The following ECPAS variants were observed in gnomAD, a reference collection of about 807,000 sequenced individuals.
ECPAS encodes proteasome adapter and scaffold protein ECM29.
ECPAS carries 70 observed loss-of-function variants against 255.1 expected under a neutral mutation model. The ratio of observed to expected loss-of-function variants is 0.27; its 90% CI spans 0.23 to 0.33. The LOEUF (loss-of-function observed/expected upper bound fraction) is 0.33. Among genes scored for constraint, ECPAS ranks in the 10% least tolerant of loss-of-function variants. ECPAS has a pLI of 1.00. For synonymous variants in ECPAS, 784 were observed against 775.0 expected (o/e 1.01, Z -0.19); for missense variants, 1,817 against 2,206.4 (o/e 0.82, Z 3.54).
chr9:111,410,156 C>G lies in ECPAS; in HGVS notation c.2435G>C (p.Gly812Ala). 1.2e-6 allele frequency: 2 copies of G among 1,613,064 alleles called. No individual in the cohort carries two copies. The highest frequency in any genetic ancestry group is 1.7e-6 in the Non-Finnish European group (2 of 1,179,568). ...AAGTGGACCATTTCTGCCAATTTCACCCAGGGCTGTGCAGGCAGCAATTGC... is the reference window on the plus strand; with the variant it reads ...AAGTGGACCATTTCTGCCAATTTCAGCCAGGGCTGTGCAGGCAGCAATTGC... ...LLAIAACTAL[G>A]EIGRNGPLPI... Residue 812 changes from glycine (G) to alanine (A), a missense_variant, in exon 23 of 50, where the codon GGT (glycine) becomes GCT (alanine). Gly to Ala is a moderately conservative substitution (Grantham distance 60). This residue lies in a region of ECPAS where 194 missense variants were observed against 152.8 expected (regional missense o/e 1.27). Coordinates refer to ENST00000684092, the MANE Select transcript of ECPAS (RefSeq NM_001364929.1).
In ECPAS at chr9:111,480,576, G is replaced by C. The variant is rs1040446352; in HGVS notation, c.-83+3540C>G. On this transcript the variant is annotated intron_variant, in intron 1 of 49. Coordinates refer to ENST00000684092, the MANE Select transcript of ECPAS (RefSeq NM_001364929.1). ...GCCTCCTAAAGTGCTAGGATTACAG[G>C]TGTGAGCCACCACACCTGGCCAAAA... is the stretch of plus-strand genomic sequence containing the variant. 2.6e-5 allele frequency among the ~76,000 whole-genome samples: 4 copies of C among 152,178 alleles called. No homozygotes were observed. In the South Asian group the frequency reaches 8.3e-4, roughly 32 times the overall value.
chr9:111,407,046 T>TA (rs1451995902), intron 24 of ECPAS, among the ~76,000 whole-genome samples: 1 of 148,192 alleles, frequency 6.7e-6, no homozygotes, highest in African/African-American at 2.6e-5. Context: ...CATGTATTTC[T>TA]AAACTCTTAA....
chr9:111,449,175 T>C (rs2098257065), intron 3 of ECPAS, among the ~76,000 whole-genome samples: 2 of 152,136 alleles, frequency 1.3e-5, no homozygotes. Context: ...GCCAGGTTAT[T>C]ATATAAATTA....
rs750380389 is a variant in ECPAS at position 111,444,365 on chromosome 9, A to G, written c.270+13T>C. 18 of 1,561,970 alleles carry G rather than the reference A, an allele frequency of 1.2e-5. No homozygotes were observed. Among genetic ancestry groups the G allele is most frequent in the South Asian group, 3.4e-5 (3 of 88,216 alleles). Reference sequence around the variant, plus strand: ...TTGCTGTAAGTCAGAAAATATTCCAATACAACACTCACTGTGACAAAGGAA... The same window carrying G: ...TTGCTGTAAGTCAGAAAATATTCCAGTACAACACTCACTGTGACAAAGGAA... On this transcript the variant is annotated intron_variant, in intron 4 of 49. Coordinates refer to ENST00000684092, the MANE Select transcript of ECPAS (RefSeq NM_001364929.1).
intron 1 of ECPAS, among the ~76,000 whole-genome samples, chr9:111,479,376 T>A (rs1437376452): frequency 6.7e-6 from 1 of 149,860 alleles, no homozygotes; most frequent in Non-Finnish European, 1.5e-5. Context: ...GAGGGGCGGA[T>A]CATGAGGTCA....
At chr9:111,388,563 G>A (rs192718663) in intron 31 of ECPAS, among the ~76,000 whole-genome samples, 1 of 151,966 alleles carries the variant, frequency 6.6e-6, no homozygotes, top group East Asian at 1.9e-4. Context: ...AAAGTGAGCT[G>A]TAAAGCTACT....
Position 111,484,193 on chromosome 9 carries a change from G to C in ECPAS, c.-160C>G. The C allele has an allele frequency of 6.7e-7, 1 of 1,483,006 alleles. No homozygotes were observed. Among genetic ancestry groups the C allele is most frequent in the Non-Finnish European group, 8.9e-7 (1 of 1,118,932 alleles). The allele number at this position is 1,483,006 out of a possible 1,614,324, so 91.9% of individuals were successfully genotyped here. On this transcript the variant is annotated 5_prime_UTR_variant, in exon 1 of 50. Transcript: ENST00000684092. Reference sequence around the variant, plus strand: ...TGAGGGCTGTAGAGCGAGGCGTTCGGCGGGCCGGGCCCCGGGGAGCCGCGC... The same window carrying C: ...TGAGGGCTGTAGAGCGAGGCGTTCGCCGGGCCGGGCCCCGGGGAGCCGCGC...
rs778696443 is a variant in ECPAS, at chr9:111,451,419, G to A, written c.153+6C>T. 1.1e-5 allele frequency: 18 copies of A among 1,566,468 alleles called. No individual in the cohort carries two copies. The highest frequency in any genetic ancestry group is 1.6e-5 in the Non-Finnish European group (18 of 1,155,132). Reference sequence around the variant, plus strand: ...TTAATTCCCCCAGCTGTCCCAACATGCTTACCTTTTTACGTACTCCTTCTT... The same window carrying A: ...TTAATTCCCCCAGCTGTCCCAACATACTTACCTTTTTACGTACTCCTTCTT... On this transcript the variant is annotated splice_donor_region_variant and intron_variant, in intron 3 of 49. Coordinates refer to ENST00000684092, the MANE Select transcript of ECPAS (RefSeq NM_001364929.1).
intron 7 of ECPAS, among the ~76,000 whole-genome samples, chr9:111,436,035 A>G (rs991470521): frequency 1.4e-5 from 2 of 147,942 alleles, no homozygotes; most frequent in African/African-American, 2.5e-5. Context: ...TTAAGGAGGA[A>G]AAAAAAAAAA....
At position 111,484,284 on chromosome 9, in the gene ECPAS, G is replaced by A. The variant is rs1309445256; in HGVS notation, c.-251C>T. On this transcript the variant is annotated 5_prime_UTR_variant, in exon 1 of 50. Coordinates refer to ENST00000684092, the MANE Select transcript of ECPAS (RefSeq NM_001364929.1). ...GCCCTAGCGGCCGGGGGAAATCCTC[G>A]AGGCGGGGCCGGAGCGCCCTTTTCC... 6.5e-7 allele frequency: 1 copy of A among 1,527,206 alleles called. No individual in the cohort carries two copies. 94.6% of individuals were successfully genotyped at this position (1,527,206 alleles called of 1,614,324 possible).
intron 1 of ECPAS, among the ~76,000 whole-genome samples, chr9:111,476,909 CTCTAA>C (rs1166299731): frequency 6.6e-6 from 1 of 151,962 alleles, no homozygotes; most frequent in Non-Finnish European, 1.5e-5. Context: ...ACCTCAGGAA[CTCTAA>C]ACCTCAGCTT....
At chr9:111,436,534 C>G (rs2098238388) in intron 7 of ECPAS, among the ~76,000 whole-genome samples, 1 of 152,054 alleles carries the variant, frequency 6.6e-6, no homozygotes, top group African/African-American at 2.4e-5. Context: ...ATAAAACGTA[C>G]AGCCCTTAAA....
At chr9:111,380,339 ATTTT>A (rs1275221413) in intron 35 of ECPAS, among the ~76,000 whole-genome samples, 4 of 150,012 alleles carry the variant, frequency 2.7e-5, no homozygotes, top group East Asian at 1.9e-4. Context: ...TTTTGTTGTT[ATTTT>A]TTTGTTTGTT....
chr9:111,387,237 C>G (rs1273290937), intron 31 of ECPAS, among the ~76,000 whole-genome samples: 2 of 152,032 alleles, frequency 1.3e-5, no homozygotes, highest in Non-Finnish European at 2.9e-5. Context: ...GACAGAGTCT[C>G]ACTCAACATC....
Position 111,484,104 on chromosome 9 carries a change from C to A in ECPAS, c.-83+12G>T. 1.5e-6 allele frequency: 2 copies of A among 1,354,996 alleles called. No homozygotes were observed. The highest frequency in any genetic ancestry group is 9.5e-7 in the Non-Finnish European group (1 of 1,051,850). 83.9% of individuals were successfully genotyped at this position (1,354,996 alleles called of 1,614,324 possible). ...GGGCCAGTCCCCCGCGGCCCGGGGG[C>A]GGGCCTCTGACCTGAGTCGGAGCCG... is the stretch of plus-strand genomic sequence containing the variant. On this transcript the variant is annotated intron_variant, in intron 1 of 49. Transcript: ENST00000684092.
chr9:111,423,151 T>C, intron 13 of ECPAS, 48 bp downstream of exon 13: 1 of 1,300,102 alleles, frequency 7.7e-7, no homozygotes, highest in Non-Finnish European at 1.1e-6. Flanking sequence ...ACATAATTTT[T>C]CTCTGTTTAC....
intron 25 of ECPAS, 52 bp from the exon 26 acceptor site, chr9:111,394,357 T>C: frequency 7.0e-7 from 1 of 1,419,062 alleles, no homozygotes; most frequent in Non-Finnish European, 9.3e-7. Flanking sequence ...TCAACATAGT[T>C]TCCTGAAAAA....
rs777795859 is a variant in ECPAS, at chr9:111,366,314, C to G, written c.5233G>C (p.Glu1745Gln). Residue 1745 changes from glutamate (E) to glutamine (Q), a missense_variant, in exon 48 of 50, where the codon GAA becomes CAA. By Grantham distance (29) the Glu-to-Gln change is conservative. Transcript: ENST00000684092. ...NAFFQGLMLL[E>Q]EEHADPEALA... ...GCCTCAGGATCGGCATGTTCTTCTTCCAAAAGCATTAACCTATACAAATCA... is the reference window on the plus strand; with the variant it reads ...GCCTCAGGATCGGCATGTTCTTCTTGCAAAAGCATTAACCTATACAAATCA... The G allele has an allele frequency of 1.1e-5, 17 of 1,573,270 alleles. No homozygotes were observed. In the South Asian group the frequency reaches 1.9e-4, roughly 17 times the overall value.
chr9:111,475,074 A>G lies in ECPAS; in HGVS notation c.-82-2074T>C, dbSNP rs1215703947. Among the ~76,000 whole-genome samples the G allele has an allele frequency of 2.0e-5, 3 of 152,234 alleles. No individual in the cohort carries two copies. The East Asian group carries it at 5.8e-4, about 29-fold the overall frequency. On this transcript the variant is annotated intron_variant, in intron 1 of 49. Coordinates refer to ENST00000684092, the MANE Select transcript of ECPAS (RefSeq NM_001364929.1). ...ACCATTCTCATTTCTTGAGGTTTCC[A>G]AAGAACTGTGTTAGGCAGTTTACTT...
Sources: gnomAD v4.1 joint callset for allele counts (sites outside exome capture counted in the v4.1 genomes callset) on GRCh38, gnomAD v4.1.1 for gene constraint, gnomAD v4.1.1 regional missense constraint, MANE v1.5 for transcripts, NCBI Gene and HGNC (gene_info 2026-07-23, HGNC 2026-07-21) for gene names.